Variants in C8orf34 observed in about 807,000 individuals in gnomAD.
The protein encoded by C8orf34 is uncharacterized protein C8orf34.
In C8orf34, 65 loss-of-function variants were observed where a neutral mutation model predicts 68.3. The ratio of observed to expected loss-of-function variants is 0.95; its 90% CI spans 0.78 to 1.17. The LOEUF (loss-of-function observed/expected upper bound fraction) is 1.17, where lower values mean the gene tolerates loss of function less well. Among genes scored for constraint, C8orf34 ranks in the 50% most tolerant of loss-of-function variants. The probability of loss-of-function intolerance (pLI) is 0.00; values close to 1 mark genes in which losing one functional copy is unlikely to be tolerated. For missense variants in C8orf34, 664 were observed against 655.4 expected (o/e 1.01, Z -0.14); for synonymous variants, 244 against 241.2 (o/e 1.01, Z -0.11).
At chr8:68,440,656 G>T (rs1439464366) in intron 2 of C8orf34, among the ~76,000 whole-genome samples, 1 of 152,106 alleles carries the variant, frequency 6.6e-6, no homozygotes, top group East Asian at 1.9e-4. Context: ...AAGTAGAATG[G>T]GTAGGTAGGC....
At chr8:68,799,920 G>A (rs28731200) in intron 12 of C8orf34, among the ~76,000 whole-genome samples, 1,598 of 152,232 alleles carry the variant, frequency 0.01, 23 homozygotes, top group African/African-American at 0.036. Context: ...GGACAAGAAG[G>A]TCATATAGGC....
At chr8:68,453,386 A>G (rs1811423408) in intron 3 of C8orf34, among the ~76,000 whole-genome samples, 1 of 152,044 alleles carries the variant, frequency 6.6e-6, no homozygotes, top group Non-Finnish European at 1.5e-5. Flanking sequence ...TGGGAACATA[A>G]CAAGGTTTCC....
intron 1 of C8orf34, among the ~76,000 whole-genome samples, chr8:68,405,157 G>GAA (rs1297999575): frequency 3.9e-5 from 6 of 152,022 alleles, no homozygotes; most frequent in African/African-American, 1.4e-4. Flanking sequence ...TTCTTAAGAT[G>GAA]GTTTGATGAT....
intron 12 of C8orf34, among the ~76,000 whole-genome samples, chr8:68,790,001 G>T (rs1167250682): frequency 6.6e-6 from 1 of 152,138 alleles, no homozygotes; most frequent in Non-Finnish European, 1.5e-5. Context: ...TAAATTGCTT[G>T]AAATAAAATC....
intron 10 of C8orf34, among the ~76,000 whole-genome samples, chr8:68,769,668 A>G (rs1430962049): frequency 6.6e-6 from 1 of 152,164 alleles, no homozygotes; most frequent in Admixed American, 6.6e-5. Flanking sequence ...TACTATTTAC[A>G]AACTTTATGA....
At chr8:68,426,487 C>G (rs1374279967) in intron 1 of C8orf34, among the ~76,000 whole-genome samples, 1 of 135,948 alleles carries the variant, frequency 7.4e-6, no homozygotes, top group African/African-American at 2.8e-5. Context: ...CTGCTGCACT[C>G]CAGTCTGAGT....
rs555788193 is a variant in C8orf34 at position 68,715,027 on chromosome 8, G to C, written c.1327+5948G>C. On this transcript the variant is annotated intron_variant, in intron 9 of 13. Coordinates refer to ENST00000518698, the MANE Select transcript of C8orf34 (RefSeq NM_052958.4). ...GCAAACAAAAACATAAAGTGGGGAAGGGACACCCTATTCAATAAATGGTGC... is the reference window on the plus strand; with the variant it reads ...GCAAACAAAAACATAAAGTGGGGAACGGACACCCTATTCAATAAATGGTGC... Among the ~76,000 whole-genome samples the C allele has an allele frequency of 2.0e-5, 3 of 152,096 alleles. No individual in the cohort carries two copies. In the South Asian group the frequency reaches 6.2e-4, roughly 32 times the overall value.
chr8:68,637,008 T>G (rs760700306), intron 7 of C8orf34, among the ~76,000 whole-genome samples: 14 of 152,178 alleles, frequency 9.2e-5, no homozygotes, highest in Non-Finnish European at 1.8e-4. Context: ...AGGACCAAAC[T>G]TAGAGAACCA....
At chr8:68,532,094 G>C (rs1815271199) in intron 6 of C8orf34, among the ~76,000 whole-genome samples, 1 of 152,090 alleles carries the variant, frequency 6.6e-6, no homozygotes, top group Non-Finnish European at 1.5e-5. Flanking sequence ...CTCCACTAAA[G>C]ATGCTAGGAG....
At chr8:68,567,577 C>CTTTTTTTTTTTTTTTTTTTTTT (rs1160845483) in intron 7 of C8orf34, among the ~76,000 whole-genome samples, 1 of 29,792 alleles carries the variant, frequency 3.4e-5, no homozygotes, top group Non-Finnish European at 6.0e-5. Flanking sequence ...TTTCATTTAT[C>CTTTTTTTTTTTTTTTTTTTTTT]TTTTTTTTTT....
chr8:68,336,660 T>A (rs1161123286), intron 1 of C8orf34, among the ~76,000 whole-genome samples: 1 of 152,216 alleles, frequency 6.6e-6, no homozygotes, highest in African/African-American at 2.4e-5. Flanking sequence ...TGGAAGGGCC[T>A]GGGAATAACA....
intron 5 of C8orf34, among the ~76,000 whole-genome samples, chr8:68,506,778 T>G (rs1814042088): frequency 6.6e-6 from 1 of 152,246 alleles, no homozygotes; most frequent in Non-Finnish European, 1.5e-5. Context: ...TACTGTTTTT[T>G]CTTTTCTTCT....
intron 8 of C8orf34, among the ~76,000 whole-genome samples, chr8:68,642,119 A>C (rs1819028976): frequency 6.6e-6 from 1 of 152,356 alleles, no homozygotes; most frequent in Non-Finnish European, 1.5e-5. Flanking sequence ...AAACTCAGGC[A>C]GCATAGGTTG....
intron 7 of C8orf34, among the ~76,000 whole-genome samples, chr8:68,564,111 G>A (rs536525478): frequency 6.6e-6 from 1 of 152,266 alleles, no homozygotes; most frequent in East Asian, 1.9e-4. Flanking sequence ...TCAGTAAGGA[G>A]ATATCTTTAT....
chr8:68,575,956 G>GTT (rs59081528), intron 7 of C8orf34, among the ~76,000 whole-genome samples: 41 of 96,326 alleles, frequency 4.3e-4, no homozygotes, highest in South Asian at 8.4e-4. Context: ...GTAGATGGTT[G>GTT]TTTTTTTTTT....
chr8:68,358,422 A>G (rs2129619236), intron 1 of C8orf34, among the ~76,000 whole-genome samples: 1 of 151,740 alleles, frequency 6.6e-6, no homozygotes, highest in Non-Finnish European at 1.5e-5. Flanking sequence ...CTCAGGTTAA[A>G]TATATACTAG....
intron 7 of C8orf34, among the ~76,000 whole-genome samples, chr8:68,605,059 T>C (rs1245965870): frequency 6.6e-6 from 1 of 152,062 alleles, no homozygotes; most frequent in Admixed American, 6.6e-5. Flanking sequence ...TCTTAACAGA[T>C]ACCTCACCAA....
intron 10 of C8orf34, among the ~76,000 whole-genome samples, chr8:68,763,702 A>T (rs1338731336): frequency 6.6e-6 from 1 of 152,224 alleles, no homozygotes; most frequent in Non-Finnish European, 1.5e-5. Flanking sequence ...TCTTCTGATG[A>T]CATCTTCTAT....
At chr8:68,761,017 G>C (rs901014600) in intron 10 of C8orf34, among the ~76,000 whole-genome samples, 1 of 152,176 alleles carries the variant, frequency 6.6e-6, no homozygotes, top group Non-Finnish European at 1.5e-5. Flanking sequence ...GGAATATTGA[G>C]AGTAGCAGTA....
Sources: allele counts gnomAD v4.1 joint callset (sites outside exome capture counted in the v4.1 genomes callset), GRCh38; gene constraint gnomAD v4.1.1; transcripts MANE v1.5; gene names NCBI Gene and HGNC (gene_info 2026-07-23, HGNC 2026-07-21).